The following XRCC4 variants were observed in gnomAD, a reference collection of about 807,000 sequenced individuals.
The protein encoded by XRCC4 is DNA repair protein XRCC4.
A neutral mutation model predicts 39.1 loss-of-function variants in XRCC4; 28 were observed. That is an observed-to-expected ratio of 0.72 (90% CI 0.53 to 0.98). XRCC4 has a LOEUF of 0.98. Among genes scored for constraint, XRCC4 ranks in the 50% least tolerant of loss-of-function variants. The probability of loss-of-function intolerance (pLI) is 0.00; values close to 1 mark genes in which losing one functional copy is unlikely to be tolerated. For missense variants in XRCC4, 350 were observed against 376.4 expected, an observed-to-expected ratio of 0.93 and a Z score of 0.58; for synonymous variants, 123 against 126.4, an observed-to-expected ratio of 0.97 and a Z score of 0.18.
intron 4 of XRCC4, among the ~76,000 whole-genome samples, chr5:83,199,142 C>T (rs940714307): frequency 3.9e-5 from 6 of 152,136 alleles, no homozygotes; most frequent in African/African-American, 1.4e-4. Flanking sequence ...ATCTCTCTGC[C>T]TTCAAGATAC....
chr5:83,171,700 T>TA (rs1337247250), intron 3 of XRCC4, among the ~76,000 whole-genome samples: 1 of 152,156 alleles, frequency 6.6e-6, no homozygotes, highest in Non-Finnish European at 1.5e-5. Flanking sequence ...GCCTGGAAAA[T>TA]AAAGGCCAAA....
chr5:83,134,495 A>G (rs1030471161), intron 3 of XRCC4, among the ~76,000 whole-genome samples: 1 of 152,208 alleles, frequency 6.6e-6, no homozygotes, highest in African/African-American at 2.4e-5. Flanking sequence ...TACACGCATC[A>G]ATCAGCACTC....
At position 83,179,057 on chromosome 5, in the gene XRCC4, A is replaced by G. The variant is rs1750088823; in HGVS notation, c.316-16713A>G. 2.0e-5 allele frequency among the ~76,000 whole-genome samples: 3 copies of G among 152,186 alleles called. No homozygotes were observed. In the South Asian group the frequency reaches 6.2e-4, roughly 32 times the overall value. ...ATAGATTGACCTGCCATGTACTACT[A>G]CAGCACTTGGCATTTCTCATAGTAA... On this transcript the variant is annotated intron_variant, in intron 3 of 7. Coordinates refer to ENST00000396027, the MANE Select transcript of XRCC4 (RefSeq NM_003401.5).
chr5:83,355,306 A>G (rs374736562), downstream of XRCC4, among the ~76,000 whole-genome samples: 55 of 152,074 alleles, frequency 3.6e-4, no homozygotes, highest in Middle Eastern at 3.4e-3. Context: ...TCCATTATGC[A>G]TATCACTCTC....
intron 3 of XRCC4, among the ~76,000 whole-genome samples, chr5:83,191,189 G>GAAT: frequency 6.6e-6 from 1 of 152,246 alleles, no homozygotes; most frequent in Middle Eastern, 3.4e-3. Context: ...GGATATAACT[G>GAAT]AATAATACAT....
At chr5:83,157,591 G>A (rs1230964419) in intron 3 of XRCC4, among the ~76,000 whole-genome samples, 1 of 152,038 alleles carries the variant, frequency 6.6e-6, no homozygotes, top group East Asian at 1.9e-4. Flanking sequence ...ATAAACAAAA[G>A]AGGCTTGCAT....
intron 3 of XRCC4, among the ~76,000 whole-genome samples, chr5:83,112,075 A>T: frequency 6.6e-6 from 1 of 152,220 alleles, no homozygotes. Flanking sequence ...TGGAGTCATT[A>T]TAAATTTATA....
At chr5:83,203,160 A>G (rs1561401157) in intron 4 of XRCC4, among the ~76,000 whole-genome samples, 1 of 152,134 alleles carries the variant, frequency 6.6e-6, no homozygotes, top group Non-Finnish European at 1.5e-5. Context: ...CTTATCACAA[A>G]ATAAGATTGT....
chr5:83,346,548 T>G (rs1476172962), intron 7 of XRCC4, among the ~76,000 whole-genome samples: 1 of 152,164 alleles, frequency 6.6e-6, no homozygotes, highest in South Asian at 2.1e-4. Flanking sequence ...TATAACATTT[T>G]TAAGATAAAA....
At chr5:83,277,320 G>C (rs542221442) in intron 7 of XRCC4, among the ~76,000 whole-genome samples, 1 of 152,274 alleles carries the variant, frequency 6.6e-6, no homozygotes, top group Non-Finnish European at 1.5e-5. Flanking sequence ...AGCAAGTTTT[G>C]ATTAAAAGTG....
chr5:83,165,317 A>AT (rs1749410426), intron 3 of XRCC4, among the ~76,000 whole-genome samples: 2 of 106,942 alleles, frequency 1.9e-5, no homozygotes, highest in Non-Finnish European at 3.9e-5. Context: ...GAATCAATAG[A>AT]CATTGATTTA....
chr5:83,082,784 G>A (rs1745010185), intron 1 of XRCC4, among the ~76,000 whole-genome samples: 2 of 151,880 alleles, frequency 1.3e-5, no homozygotes, highest in Middle Eastern at 3.4e-3. Context: ...TTTATGTGTG[G>A]CCCAAGACAA....
At chr5:83,354,741 C>G (rs759310721), downstream of XRCC4, among the ~76,000 whole-genome samples, 1 of 152,124 alleles carries the variant, frequency 6.6e-6, no homozygotes, top group Non-Finnish European at 1.5e-5. Flanking sequence ...TTGCTTCAAG[C>G]TAAAAACCCA....
chr5:83,298,210 A>G lies in XRCC4; in HGVS notation c.893+39533A>G, dbSNP rs898424306. ...TTTGTTGAAAACCGTCTATGGCACCATAAATGTTCTATGTGTGTTGAAAAA... is the reference window on the plus strand; with the variant it reads ...TTTGTTGAAAACCGTCTATGGCACCGTAAATGTTCTATGTGTGTTGAAAAA... On this transcript the variant is annotated intron_variant, in intron 7 of 7. Transcript: ENST00000396027. Among the ~76,000 whole-genome samples the G allele has an allele frequency of 3.3e-5, 5 of 151,320 alleles. No homozygotes were observed. The East Asian group carries it at 5.8e-4, about 18-fold the overall frequency.
At chr5:83,138,912 G>A (rs1465172285) in intron 3 of XRCC4, among the ~76,000 whole-genome samples, 1 of 151,892 alleles carries the variant, frequency 6.6e-6, no homozygotes. Flanking sequence ...ATTTTTTATT[G>A]CTTAATTTTA....
At chr5:83,192,201 C>CGT (rs1750728400) in intron 3 of XRCC4, among the ~76,000 whole-genome samples, 1 of 145,222 alleles carries the variant, frequency 6.9e-6, no homozygotes, top group South Asian at 2.2e-4. Context: ...TGTATGTATA[C>CGT]GTATATATTA....
chr5:83,325,716 G>T lies in XRCC4; in HGVS notation c.894-27415G>T, dbSNP rs557433751. 1.1e-4 allele frequency among the ~76,000 whole-genome samples: 16 copies of T among 152,126 alleles called. No homozygotes were observed. The East Asian group carries it at 2.7e-3, about 26-fold the overall frequency. ...TCTTTTTCCAGTCTATCATTGATGA[G>T]CATTTAGGTTGATTCCATGTCTTTG... On this transcript the variant is annotated intron_variant, in intron 7 of 7. Transcript: ENST00000396027.
intron 6 of XRCC4, among the ~76,000 whole-genome samples, chr5:83,229,059 A>G (rs570425936): frequency 6.6e-6 from 1 of 152,194 alleles, no homozygotes; most frequent in South Asian, 2.1e-4. Context: ...GGTTAGCATC[A>G]TAACTAACTC....
chr5:83,086,704 C>A (rs964570317), intron 1 of XRCC4, among the ~76,000 whole-genome samples: 15 of 151,936 alleles, frequency 9.9e-5, no homozygotes, highest in African/African-American at 2.7e-4. Flanking sequence ...TAAGTGGACC[C>A]ACACAGAACA....
Sources: gnomAD v4.1 joint callset for allele counts (sites outside exome capture counted in the v4.1 genomes callset) on GRCh38, gnomAD v4.1.1 for gene constraint, MANE v1.5 for transcripts, NCBI Gene and HGNC (gene_info 2026-07-23, HGNC 2026-07-21) for gene names.